The following SLC25A18 variants were observed in gnomAD, a reference collection of about 807,000 sequenced individuals.
SLC25A18 encodes solute carrier family 25 member 18.
Under a neutral mutation model 31.1 loss-of-function variants are expected in SLC25A18, and 24 were observed. That is an observed-to-expected ratio of 0.77 (90% confidence interval 0.56 to 1.08). The LOEUF (loss-of-function observed/expected upper bound fraction) is 1.08, where lower values mean the gene tolerates loss of function less well. Ranked by LOEUF, SLC25A18 falls within the 50% of genes least tolerant of loss-of-function variation. The probability of loss-of-function intolerance (pLI) is 0.00; values close to 1 mark genes in which losing one functional copy is unlikely to be tolerated. For synonymous variants in SLC25A18, 173 were observed against 161.9 expected (o/e 1.07, Z -0.52); for missense variants, 371 against 418.5 (o/e 0.89, Z 0.99).
At chr22:17,569,537 A>G in intron 1 of SLC25A18, 1 of 882,886 alleles carries the variant, frequency 1.1e-6, no homozygotes, top group Non-Finnish European at 1.4e-6. Flanking sequence ...TTCTGGCACC[A>G]AATGTCTTGC....
chr22:17,579,127 C>T (rs1458436001), intron 2 of SLC25A18, among the ~76,000 whole-genome samples: 1 of 151,976 alleles, frequency 6.6e-6, no homozygotes, highest in Non-Finnish European at 1.5e-5. Flanking sequence ...CTTGATCTGT[C>T]GCCCAGGCTG....
intron 2 of SLC25A18, among the ~76,000 whole-genome samples, chr22:17,571,211 C>G (rs2057079048): frequency 6.6e-6 from 1 of 152,158 alleles, no homozygotes; most frequent in South Asian, 2.1e-4. Flanking sequence ...TTGAAGGCAA[C>G]AAGGCTGAAG....
chr22:17,581,603 A>G (rs2057375982), intron 5 of SLC25A18, 190 bp downstream of exon 5: 2 of 608,694 alleles, frequency 3.3e-6, no homozygotes, highest in African/African-American at 3.7e-5. Flanking sequence ...GGAGACCCAC[A>G]GAGCACACCC....
intron 2 of SLC25A18, 79 bp from the exon 3 acceptor site, chr22:17,579,666 C>A: frequency 8.6e-7 from 1 of 1,163,858 alleles, no homozygotes; most frequent in Non-Finnish European, 1.1e-6. Context: ...AAAAGTGGAG[C>A]AAGCGGGCCG....
intron 1 of SLC25A18, among the ~76,000 whole-genome samples, chr22:17,569,000 A>G (rs1601260410): frequency 6.7e-6 from 1 of 148,654 alleles, no homozygotes; most frequent in Admixed American, 6.7e-5. Flanking sequence ...TTTAAGAGGA[A>G]CCTCTTCTTT....
intron 2 of SLC25A18, among the ~76,000 whole-genome samples, chr22:17,579,271 G>A (rs961224692): frequency 6.6e-6 from 1 of 152,004 alleles, no homozygotes; most frequent in Non-Finnish European, 1.5e-5. Flanking sequence ...ATTTTTAGTA[G>A]AGATGGAGTT....
chr22:17,573,506 T>C (rs921296769), intron 2 of SLC25A18, among the ~76,000 whole-genome samples: 3 of 152,140 alleles, frequency 2.0e-5, no homozygotes, highest in African/African-American at 4.8e-5. Context: ...ATGGGGCACC[T>C]GGGGGCTGGA....
At chr22:17,575,560 C>A (rs574450904) in intron 2 of SLC25A18, among the ~76,000 whole-genome samples, 3 of 152,258 alleles carry the variant, frequency 2.0e-5, no homozygotes, top group Non-Finnish European at 4.4e-5. Context: ...GCTGCATACA[C>A]TTTAAAAATT....
At position 17,586,957 on chromosome 22, in the gene SLC25A18, G is replaced by A. The variant is rs530917911; in HGVS notation, c.410-179G>A. ...GCTCCTGAGATACTGTAGACCTTAG[G>A]AAGACGTCCTCAGAGCCAAAAATTA... On this transcript the variant is annotated intron_variant, in intron 7 of 10. Transcript: ENST00000327451. Among the ~76,000 whole-genome samples, 29 of 152,306 alleles carry A rather than the reference G, an allele frequency of 1.9e-4. No homozygotes were observed. The East Asian group carries it at 5.4e-3, about 28-fold the overall frequency.
intron 1 of SLC25A18, among the ~76,000 whole-genome samples, chr22:17,564,755 G>T (rs1444439518): frequency 1.3e-5 from 2 of 150,482 alleles, no homozygotes; most frequent in African/African-American, 4.9e-5. Context: ...TACTCGGGAG[G>T]CTGAGGCAGG....
At chr22:17,573,546 T>G (rs2057152805) in intron 2 of SLC25A18, among the ~76,000 whole-genome samples, 1 of 152,170 alleles carries the variant, frequency 6.6e-6, no homozygotes, top group Non-Finnish European at 1.5e-5. Flanking sequence ...CACGGCAGCA[T>G]GGTGTCTACA....
intron 2 of SLC25A18, among the ~76,000 whole-genome samples, chr22:17,574,322 A>G (rs1396983806): frequency 2.0e-5 from 3 of 152,132 alleles, no homozygotes; most frequent in African/African-American, 7.2e-5. Flanking sequence ...TGCCAATCAA[A>G]AAGAAAACAA....
intron 5 of SLC25A18, chr22:17,582,083 G>C (rs2057390363): frequency 1.3e-5 from 2 of 148,412 alleles, no homozygotes; most frequent in African/African-American, 5.0e-5. Context: ...AAAAAGGGGA[G>C]AATGTGGGGC....
intron 1 of SLC25A18, among the ~76,000 whole-genome samples, chr22:17,568,749 A>G (rs1246162788): frequency 6.7e-6 from 1 of 149,400 alleles, no homozygotes; most frequent in Non-Finnish European, 1.5e-5. Context: ...TTTTAGTAGA[A>G]ACAGGGTTTC....
At chr22:17,590,013 T>A in intron 10 of SLC25A18, 82 bp from the exon 11 acceptor site, 2 of 1,565,012 alleles carry the variant, frequency 1.3e-6, no homozygotes, top group Admixed American at 1.8e-5. Context: ...AAATGAGAGG[T>A]GCACAAATGG....
At position 17,581,165 on chromosome 22, in the gene SLC25A18, T is replaced by TG; in HGVS notation, c.143+7dup. ...AAAGCCATGTACAAAGGAATGTAGGTGCTGGCAGGCGAGCGTGGAGGGCAG... is the reference window on the plus strand; with the variant it reads ...AAAGCCATGTACAAAGGAATGTAGGTGGCTGGCAGGCGAGCGTGGAGGGCAG... On this transcript the variant is annotated splice_region_variant and intron_variant, in intron 4 of 10. Transcript: ENST00000327451. 1 of 1,588,096 alleles carries TG rather than the reference T, an allele frequency of 6.3e-7. No homozygotes were observed. The highest frequency in any genetic ancestry group is 8.6e-7 in the Non-Finnish European group (1 of 1,165,062).
chr22:17,568,280 T>G (rs1448377177), intron 1 of SLC25A18, among the ~76,000 whole-genome samples: 1 of 147,162 alleles, frequency 6.8e-6, no homozygotes, highest in Non-Finnish European at 1.5e-5. Context: ...GGCAGGAGAA[T>G]GGCGTGAACG....
At chr22:17,586,275 G>GAGGCCA (rs1371240929) in intron 7 of SLC25A18, among the ~76,000 whole-genome samples, 1 of 152,076 alleles carries the variant, frequency 6.6e-6, no homozygotes, top group South Asian at 2.1e-4. Flanking sequence ...AGCACTTTGG[G>GAGGCCA]AGGCAGGTGG....
In SLC25A18 at chr22:17,580,916, T is replaced by C. The variant is rs945760937; in HGVS notation, c.21-121T>C. 14 of 1,447,474 alleles carry C rather than the reference T, an allele frequency of 9.7e-6. No individual in the cohort carries two copies. The African/African-American group carries it at 1.7e-4, about 18-fold the overall frequency. The allele number at this position is 1,447,474 out of a possible 1,614,324, so 89.7% of individuals were successfully genotyped here. ...GGCCAGGGAGGCTGAAGAGGGTCTC[T>C]GGACACCTGTGGGGCTGGGGTTCCC... On this transcript the variant is annotated intron_variant, in intron 3 of 10. Coordinates refer to ENST00000327451, the MANE Select transcript of SLC25A18 (RefSeq NM_031481.3).
Sources: gnomAD v4.1 joint callset for allele counts (sites outside exome capture counted in the v4.1 genomes callset) on GRCh38, gnomAD v4.1.1 for gene constraint, MANE v1.5 for transcripts, NCBI Gene and HGNC (gene_info 2026-07-23, HGNC 2026-07-21) for gene names.